LAMB4: variants seen among roughly 807,000 people sequenced by gnomAD.
LAMB4 encodes the protein laminin subunit beta 4.
A neutral mutation model predicts 199.2 loss-of-function variants in LAMB4; 196 were observed. That is an observed-to-expected ratio of 0.98 (90% CI 0.88 to 1.11). LAMB4 has a LOEUF of 1.11. Among genes scored for constraint, LAMB4 ranks in the 50% least tolerant of loss-of-function variants. LAMB4 has a pLI of 0.00. For synonymous variants in LAMB4, 744 were observed against 770.6 expected (o/e 0.97, Z 0.57); for missense variants, 2,080 against 2,171.2 (o/e 0.96, Z 0.83).
intron 17 of LAMB4, among the ~76,000 whole-genome samples, chr7:108,074,177 C>T (rs2036620136): frequency 6.6e-6 from 1 of 152,128 alleles, no homozygotes; most frequent in Admixed American, 6.5e-5. Flanking sequence ...CAATAAATCA[C>T]ATCTACCTGA....
In LAMB4 at chr7:108,052,106, T is replaced by C; in HGVS notation, c.3907A>G (p.Ser1303Gly). Residue 1303 changes from serine to glycine, a missense_variant, in exon 26 of 34, where the codon AGC (serine) becomes GGC (glycine). Physicochemically the swap from Ser to Gly is moderately conservative, Grantham distance 56 (BLOSUM62 0). Coordinates refer to ENST00000388781, the MANE Select transcript of LAMB4 (RefSeq NM_007356.3). ...TACATTTTTCCCTTACCCGCAATGC[T>C]TGCATTAAGGACACTGGATTGCAAA... is the stretch of plus-strand genomic sequence containing the variant. ...IDLQSSVLNASIADSSENIKK... is the reference protein window; with the variant it reads ...IDLQSSVLNAGIADSSENIKK... The C allele has an allele frequency of 6.2e-7, 1 of 1,603,330 alleles. No individual in the cohort carries two copies. Among genetic ancestry groups the C allele is most frequent in the Non-Finnish European group, 8.5e-7 (1 of 1,175,304 alleles).
chr7:108,112,272 A>G (rs1282841027), intron 3 of LAMB4, among the ~76,000 whole-genome samples: 1 of 151,910 alleles, frequency 6.6e-6, no homozygotes, highest in Non-Finnish European at 1.5e-5. Context: ...TTAGAAATAG[A>G]CCTCTTAGAA....
intron 20 of LAMB4, 69 bp from the exon 21 acceptor site, chr7:108,065,988 G>T: frequency 1.4e-6 from 2 of 1,465,754 alleles, no homozygotes; most frequent in Non-Finnish European, 1.9e-6. Context: ...ATGACGGTTT[G>T]CTATGCTTTA....
At position 108,079,689 on chromosome 7, in the gene LAMB4, C is replaced by G; in HGVS notation, c.1799G>C (p.Arg600Thr). 6.2e-7 allele frequency: 1 copy of G among 1,613,178 alleles called. No homozygotes were observed. The highest frequency in any genetic ancestry group is 8.5e-7 in the Non-Finnish European group (1 of 1,179,662). ...PVTWTGPGFARVLPGAGLRFA... is the reference protein window; with the variant it reads ...PVTWTGPGFATVLPGAGLRFA... ...TCTCAAGCCAGCCCCAGGGAGAACC[C>G]TGGCAAATCCAGGTCCAGTCCATGT... Residue 600 changes from arginine to threonine, a missense_variant, in exon 15 of 34, where the codon AGG becomes ACG. Transcript: ENST00000388781.
chr7:108,031,341 A>G (rs1479549880), intron 31 of LAMB4, among the ~76,000 whole-genome samples: 8 of 114,942 alleles, frequency 7.0e-5, no homozygotes, highest in African/African-American at 9.7e-5. Flanking sequence ...CAAAAAAAAA[A>G]AAAAAAGAAA....
chr7:108,021,992 G>C (rs2034704065), downstream of LAMB4, among the ~76,000 whole-genome samples: 1 of 143,492 alleles, frequency 7.0e-6, no homozygotes, highest in Non-Finnish European at 1.5e-5. Flanking sequence ...GGGTTGCTGA[G>C]TACTGAGAGA....
intron 25 of LAMB4, 35 bp from the exon 26 acceptor site, chr7:108,052,292 T>C: frequency 6.7e-7 from 1 of 1,483,066 alleles, no homozygotes; most frequent in Non-Finnish European, 9.0e-7. Flanking sequence ...TAGTTAAGCT[T>C]GTATTACATT....
At position 108,029,028 on chromosome 7, in the gene LAMB4, T is replaced by C. The variant is rs2034936599; in HGVS notation, c.5146+15A>G. On this transcript the variant is annotated intron_variant, in intron 33 of 33. Coordinates refer to ENST00000388781, the MANE Select transcript of LAMB4 (RefSeq NM_007356.3). ...GTTATTATCAAATTGGCAGGATGGA[T>C]AAAAGAACAGATACCTGTTATTCTT... 1.9e-6 allele frequency: 3 copies of C among 1,607,796 alleles called. No individual in the cohort carries two copies. Among genetic ancestry groups the C allele is most frequent in the Non-Finnish European group, 1.7e-6 (2 of 1,177,348 alleles).
intron 16 of LAMB4, 125 bp downstream of exon 16, chr7:108,078,076 C>A: frequency 3.0e-6 from 2 of 663,472 alleles, no homozygotes; most frequent in Non-Finnish European, 5.4e-6. Flanking sequence ...CCAGTAAGTG[C>A]TTAATATATG....
At chr7:108,106,140 C>T (rs936857139) in intron 7 of LAMB4, 109 bp from the exon 8 acceptor site, 12 of 890,792 alleles carry the variant, frequency 1.3e-5, no homozygotes, top group South Asian at 3.3e-5. Context: ...ATTACAGGCC[C>T]GGTGTAGTGG....
intron 2 of LAMB4, among the ~76,000 whole-genome samples, chr7:108,121,162 CAACCTGAAGATAG>C (rs1036858911): frequency 2.6e-5 from 4 of 152,206 alleles, no homozygotes; most frequent in East Asian, 1.9e-4. Flanking sequence ...AAAGATGACG[CAACCTGAAGATAG>C]AACCTGAAGA....
At chr7:108,032,902 A>G (rs1167751712) in intron 31 of LAMB4, among the ~76,000 whole-genome samples, 4 of 152,174 alleles carry the variant, frequency 2.6e-5, no homozygotes, top group African/African-American at 9.7e-5. Flanking sequence ...CCTGCTGTCA[A>G]GTTAGTGCTT....
At chr7:108,035,627 A>T (rs938833236) in intron 30 of LAMB4, among the ~76,000 whole-genome samples, 26 of 151,346 alleles carry the variant, frequency 1.7e-4, no homozygotes, top group Non-Finnish European at 3.5e-4. Flanking sequence ...AAAAAAGAAA[A>T]AAAAACGTAA....
Position 108,043,770 on chromosome 7 carries a change from CT to C in LAMB4, c.4452del (p.Val1485Ter). 1 of 1,581,898 alleles carries C rather than the reference CT, an allele frequency of 6.3e-7. No individual in the cohort carries two copies. The highest frequency in any genetic ancestry group is 1.2e-5 in the South Asian group (1 of 86,062). On this transcript the variant is annotated frameshift_variant, in exon 29 of 34. Coordinates refer to ENST00000388781, the MANE Select transcript of LAMB4 (RefSeq NM_007356.3). LOFTEE classifies it high-confidence loss of function. ...AAATTACCTAACAAAAAGTTTTTCACTTTTTTGATGAAAAGATTGATGTTTT... is the reference window on the plus strand; with the variant it reads ...AAATTACCTAACAAAAAGTTTTTCACTTTTTGATGAAAAGATTGATGTTTT... ...EEENINLFIK[K>X]VKNFLLEENV...
intron 23 of LAMB4, 143 bp from the exon 24 acceptor site, chr7:108,058,071 A>G: frequency 1.5e-6 from 1 of 645,644 alleles, no homozygotes; most frequent in Non-Finnish European, 2.8e-6. Flanking sequence ...CATGTCCAGC[A>G]GCCACCCCCG....
intron 14 of LAMB4, among the ~76,000 whole-genome samples, chr7:108,090,913 A>C (rs1289349692): frequency 6.6e-6 from 1 of 152,060 alleles, no homozygotes; most frequent in Non-Finnish European, 1.5e-5. Context: ...AGCAAATTCC[A>C]AGCCTCCTAA....
Position 108,063,830 on chromosome 7 carries a change from T to A in LAMB4, c.2992A>T (p.Thr998Ser). 10 of 1,614,146 alleles carry A rather than the reference T, an allele frequency of 6.2e-6. No homozygotes were observed. The highest frequency in any genetic ancestry group is 8.5e-6 in the Non-Finnish European group (10 of 1,180,022). ...CAGAGCTGGCAGTTTGCGCCCTGAG[T>A]GTTGTGCAAACATCGAAGGCACTCC... Reference protein sequence around the residue: ...TGECLRCLHNTQGANCQLCKP... With the variant: ...TGECLRCLHNSQGANCQLCKP... The change falls in exon 22 of 34, where the codon ACT (threonine) becomes TCT (serine). Residue 998 changes from threonine (T) to serine (S), a missense_variant. Transcript: ENST00000388781.
At chr7:108,028,500 G>A (rs372059091) in intron 33 of LAMB4, among the ~76,000 whole-genome samples, 1 of 119,562 alleles carries the variant, frequency 8.4e-6, no homozygotes, top group East Asian at 2.5e-4. Flanking sequence ...TTTTTGAGAT[G>A]GAGTCTCACT....
chr7:108,066,538 G>T lies in LAMB4; in HGVS notation c.2509C>A (p.Pro837Thr). ...CGGCCAGACACCTCTCCATGGCAGG[G>T]GCACTGTCCTGTTACTTGGTCACAT... ...TVCDQVTGQC[P>T]CHGEVSGRRC... Residue 837 changes from proline (P) to threonine (T), a missense_variant, in exon 20 of 34, where the codon CCC (proline) becomes ACC (threonine). Coordinates refer to ENST00000388781, the MANE Select transcript of LAMB4 (RefSeq NM_007356.3). 1 of 1,613,894 alleles carries T rather than the reference G, an allele frequency of 6.2e-7. No individual in the cohort carries two copies. Among genetic ancestry groups the T allele is most frequent in the Non-Finnish European group, 8.5e-7 (1 of 1,179,940 alleles).
Sources: allele counts gnomAD v4.1 joint callset (sites outside exome capture counted in the v4.1 genomes callset), GRCh38; gene constraint gnomAD v4.1.1; transcripts MANE v1.5; gene names NCBI Gene and HGNC (gene_info 2026-07-23, HGNC 2026-07-21).